Variants in CPED1 observed in about 807,000 individuals in gnomAD.
The protein encoded by CPED1 is cadherin like and PC-esterase domain containing 1, also known as cadherin-like and PC-esterase domain-containing protein 1.
CPED1 carries 114 observed loss-of-function variants against 128.2 expected under a neutral mutation model. The observed-to-expected ratio is 0.89, with a 90% CI of 0.76 to 1.04. The LOEUF is 1.04. CPED1 is among the 50% of genes least tolerant of loss of function. CPED1 has a pLI of 0.00. For missense variants in CPED1, 1,211 were observed against 1,207.1 expected (o/e 1.00, Z -0.05); for synonymous variants, 462 against 426.7 (o/e 1.08, Z -1.02).
chr7:121,292,274 T>A (rs1792721113), intron 22 of CPED1, among the ~76,000 whole-genome samples: 2 of 151,900 alleles, frequency 1.3e-5, no homozygotes, highest in Non-Finnish European at 2.9e-5. Context: ...TGATCTTCAA[T>A]CTCTGATATG....
In CPED1 at chr7:121,271,205, C is replaced by T. The variant is rs151067676; in HGVS notation, c.2722-79C>T. ...CTAATCCCAGTAAAAAAGACATTTA[C>T]ATAATTTCCACCTAACTTATTGAAT... On this transcript the variant is annotated intron_variant, in intron 21 of 22. Coordinates refer to ENST00000310396, the MANE Select transcript of CPED1 (RefSeq NM_024913.5). The T allele has an allele frequency of 9.8e-4, 1,139 of 1,159,384 alleles. 17 individuals are homozygous for T. In the East Asian group the frequency reaches 0.027, roughly 28 times the overall value. The allele number at this position is 1,159,384 out of a possible 1,614,324, so 71.8% of individuals were successfully genotyped here.
intron 16 of CPED1, among the ~76,000 whole-genome samples, chr7:121,189,110 T>C (rs141704949): frequency 1.1e-4 from 17 of 152,280 alleles, no homozygotes; most frequent in Non-Finnish European, 2.1e-4. Context: ...TATCACATAA[T>C]GGTGTTCCAT....
chr7:121,239,872 A>C (rs1798347322), intron 17 of CPED1, among the ~76,000 whole-genome samples: 1 of 152,216 alleles, frequency 6.6e-6, no homozygotes, highest in African/African-American at 2.4e-5. Context: ...TTCCTAAAAC[A>C]TATGTCACAC....
intron 5 of CPED1, among the ~76,000 whole-genome samples, chr7:121,064,825 A>G (rs907334530): frequency 6.6e-6 from 1 of 152,144 alleles, no homozygotes; most frequent in Admixed American, 6.5e-5. Flanking sequence ...CAGTTTCCTC[A>G]TAGGTTCCCA....
chr7:121,099,121 G>A (rs1388061545), intron 6 of CPED1, among the ~76,000 whole-genome samples: 2 of 150,730 alleles, frequency 1.3e-5, no homozygotes, highest in Non-Finnish European at 2.9e-5. Flanking sequence ...AAGTATTTTC[G>A]CATATTCTTG....
At chr7:121,181,993 G>C (rs1285476677) in intron 16 of CPED1, among the ~76,000 whole-genome samples, 1 of 152,026 alleles carries the variant, frequency 6.6e-6, no homozygotes, top group Non-Finnish European at 1.5e-5. Context: ...ATTCCAAAAT[G>C]AACCTGGGAA....
intron 9 of CPED1, 72 bp from the exon 10 acceptor site, chr7:121,127,018 T>A: frequency 8.8e-7 from 1 of 1,141,252 alleles, no homozygotes; most frequent in South Asian, 1.6e-5. Flanking sequence ...ATAAATCATG[T>A]CTTAGAAGTA....
chr7:121,282,060 A>G (rs1192970816), intron 22 of CPED1, among the ~76,000 whole-genome samples: 1 of 152,198 alleles, frequency 6.6e-6, no homozygotes, highest in Non-Finnish European at 1.5e-5. Context: ...TCACACATGT[A>G]TGTATTATTA....
At chr7:121,129,868 A>G (rs1255536672) in intron 11 of CPED1, among the ~76,000 whole-genome samples, 1 of 148,576 alleles carries the variant, frequency 6.7e-6, no homozygotes, top group African/African-American at 2.5e-5. Context: ...AACAGGAAAG[A>G]GAAATCCGCT....
intron 14 of CPED1, among the ~76,000 whole-genome samples, chr7:121,136,883 AC>A (rs1407689470): frequency 4.6e-5 from 7 of 152,060 alleles, no homozygotes; most frequent in Non-Finnish European, 1.0e-4. Flanking sequence ...AGCCTGAGTG[AC>A]ATAGCAAGAC....
intron 7 of CPED1, among the ~76,000 whole-genome samples, chr7:121,105,939 T>C (rs1794965432): frequency 6.6e-6 from 1 of 152,190 alleles, no homozygotes; most frequent in South Asian, 2.1e-4. Context: ...TATTCATTAA[T>C]GATGATCATC....
chr7:121,166,432 A>T (rs2116450891), intron 16 of CPED1, among the ~76,000 whole-genome samples: 1 of 152,316 alleles, frequency 6.6e-6, no homozygotes, highest in Admixed American at 6.5e-5. Context: ...TATTATATTT[A>T]CTTATATATT....
At chr7:121,119,135 CT>C (rs202203893) in intron 7 of CPED1, among the ~76,000 whole-genome samples, 487 of 146,316 alleles carry the variant, frequency 3.3e-3, no homozygotes, top group African/African-American at 8.2e-3. Flanking sequence ...TTTGGAAGAA[CT>C]TTTTTTTTTT....
At chr7:121,097,661 A>G in intron 5 of CPED1, 38 bp from the exon 6 acceptor site, 5 of 1,609,794 alleles carry the variant, frequency 3.1e-6, no homozygotes, top group Non-Finnish European at 4.2e-6. Context: ...GAAAGAAACA[A>G]TAAAATGACT....
chr7:121,052,900 G>T (rs922992153), intron 4 of CPED1, among the ~76,000 whole-genome samples: 2 of 151,862 alleles, frequency 1.3e-5, no homozygotes, highest in Non-Finnish European at 2.9e-5. Flanking sequence ...TTTATTTTTA[G>T]TAGAGACTGA....
chr7:121,207,476 T>C (rs989598343), intron 16 of CPED1, among the ~76,000 whole-genome samples: 4 of 152,034 alleles, frequency 2.6e-5, no homozygotes, highest in Admixed American at 1.3e-4. Flanking sequence ...AAATGCTTCA[T>C]TAATTTATAT....
At chr7:120,997,537 A>G (rs958154041) in intron 2 of CPED1, among the ~76,000 whole-genome samples, 4 of 152,232 alleles carry the variant, frequency 2.6e-5, no homozygotes, top group African/African-American at 9.6e-5. Flanking sequence ...ATGTGACCTT[A>G]CTTGGAAATA....
intron 16 of CPED1, chr7:121,194,999 C>CTTACA (rs1268302782): frequency 6.6e-6 from 1 of 152,098 alleles, no homozygotes; most frequent in East Asian, 1.9e-4. Flanking sequence ...TACACAGGGG[C>CTTACA]CATGTTAATC....
chr7:121,270,269 T>C (rs142495853), intron 21 of CPED1, among the ~76,000 whole-genome samples: 11 of 152,264 alleles, frequency 7.2e-5, no homozygotes, highest in Non-Finnish European at 1.2e-4. Flanking sequence ...AAATTACTTA[T>C]GGATTCTAGA....
Sources: allele counts gnomAD v4.1 joint callset (sites outside exome capture counted in the v4.1 genomes callset), GRCh38; gene constraint gnomAD v4.1.1; transcripts MANE v1.5; gene names NCBI Gene and HGNC (gene_info 2026-07-23, HGNC 2026-07-21).